Variants in RTN1 observed in about 807,000 individuals in gnomAD.
The protein encoded by RTN1 is reticulon 1, also known as reticulon-1.
RTN1 carries 25 observed loss-of-function variants against 65.5 expected under a neutral mutation model. The ratio of observed to expected loss-of-function variants is 0.38; its 90% CI spans 0.28 to 0.53. The LOEUF (loss-of-function observed/expected upper bound fraction) is 0.53, where lower values mean the gene tolerates loss of function less well. Ranked by LOEUF, RTN1 falls within the 20% of genes least tolerant of loss-of-function variation. The probability of loss-of-function intolerance (pLI) is 0.79; values close to 1 mark genes in which losing one functional copy is unlikely to be tolerated. For missense variants in RTN1, 983 were observed against 1,025.4 expected (o/e 0.96, Z 0.57); for synonymous variants, 471 against 447.6 (o/e 1.05, Z -0.66).
intron 1 of RTN1, among the ~76,000 whole-genome samples, chr14:59,772,537 TA>T (rs368848951): frequency 1.5e-3 from 205 of 140,596 alleles, no homozygotes; most frequent in Non-Finnish European, 1.4e-3. Flanking sequence ...TCCCCAATAT[TA>T]AAAAAAAAAA....
At chr14:59,866,467 A>G (rs1450599951) in intron 1 of RTN1, among the ~76,000 whole-genome samples, 1 of 152,144 alleles carries the variant, frequency 6.6e-6, no homozygotes, top group African/African-American at 2.4e-5. Context: ...TTGGAACAGT[A>G]AGTTCATGAA....
intron 3 of RTN1, among the ~76,000 whole-genome samples, chr14:59,629,590 T>G (rs1243075769): frequency 6.6e-6 from 1 of 152,240 alleles, no homozygotes. Flanking sequence ...AATTCATTCT[T>G]GCAAATTATC....
intron 3 of RTN1, among the ~76,000 whole-genome samples, chr14:59,705,746 A>C (rs558999446): frequency 6.6e-6 from 1 of 152,240 alleles, no homozygotes; most frequent in South Asian, 2.1e-4. Context: ...ACTTTATTAC[A>C]CCTATTTGTT....
intron 1 of RTN1, among the ~76,000 whole-genome samples, chr14:59,759,539 C>T (rs528517885): frequency 9.9e-4 from 150 of 152,118 alleles, no homozygotes; most frequent in South Asian, 1.2e-3. Context: ...AATTGAACCC[C>T]CAAATATCTC....
intron 3 of RTN1, among the ~76,000 whole-genome samples, chr14:59,656,451 T>G (rs539715464): frequency 1.5e-4 from 23 of 152,362 alleles, no homozygotes; most frequent in African/African-American, 5.5e-4. Context: ...ACACAAGGCT[T>G]GGTGAACAGA....
chr14:59,802,541 A>C (rs1297608808), intron 1 of RTN1, among the ~76,000 whole-genome samples: 1 of 152,248 alleles, frequency 6.6e-6, no homozygotes, highest in African/African-American at 2.4e-5. Flanking sequence ...TTTGGCCATT[A>C]ATACACATTA....
intron 1 of RTN1, among the ~76,000 whole-genome samples, chr14:59,762,879 T>G (rs543857530): frequency 6.6e-6 from 1 of 152,362 alleles, no homozygotes; most frequent in Admixed American, 6.5e-5. Flanking sequence ...GCTACTATTT[T>G]GCCTTTTAAC....
chr14:59,760,000 C>T lies in RTN1; in HGVS notation c.242-13519G>A, dbSNP rs540826160. Among the ~76,000 whole-genome samples, 4 of 152,238 alleles carry T rather than the reference C, an allele frequency of 2.6e-5. No homozygotes were observed. In the East Asian group the frequency reaches 7.7e-4, roughly 29 times the overall value. ...ATTTGCTCTTGGAACCAGCAACCTT[C>T]TTACAGGAATTAGCCCATAGACACA... On this transcript the variant is annotated intron_variant, in intron 1 of 8. Transcript: ENST00000267484.
At chr14:59,755,245 A>G (rs991501620) in intron 1 of RTN1, among the ~76,000 whole-genome samples, 4 of 152,222 alleles carry the variant, frequency 2.6e-5, no homozygotes, top group African/African-American at 9.6e-5. Flanking sequence ...TTAGACAAAC[A>G]TCTGGCTTAC....
intron 8 of RTN1, among the ~76,000 whole-genome samples, chr14:59,597,248 G>C (rs1881430129): frequency 6.6e-6 from 1 of 152,184 alleles, no homozygotes; most frequent in Non-Finnish European, 1.5e-5. Context: ...TTCACCCTCA[G>C]AGTAGTCTAA....
At chr14:59,629,635 T>G (rs1189666080) in intron 3 of RTN1, among the ~76,000 whole-genome samples, 1 of 152,198 alleles carries the variant, frequency 6.6e-6, no homozygotes, top group African/African-American at 2.4e-5. Context: ...AAGGTGAATT[T>G]TAATGTAACA....
intron 3 of RTN1, among the ~76,000 whole-genome samples, chr14:59,674,074 A>G (rs947435317): frequency 1.3e-5 from 2 of 152,166 alleles, no homozygotes; most frequent in Admixed American, 1.3e-4. Context: ...AACCTTTTAT[A>G]ACCACACCCA....
At chr14:59,624,690 G>C (rs1259763654) in intron 3 of RTN1, among the ~76,000 whole-genome samples, 1 of 152,106 alleles carries the variant, frequency 6.6e-6, no homozygotes, top group Non-Finnish European at 1.5e-5. Context: ...TCGAACTCCT[G>C]ACCTCAGGTG....
chr14:59,607,308 T>C lies in RTN1; in HGVS notation c.1950A>G (p.Lys650=). 1 of 1,614,082 alleles carries C rather than the reference T, an allele frequency of 6.2e-7. No homozygotes were observed. The highest frequency in any genetic ancestry group is 1.7e-5 in the Admixed American group (1 of 60,028). Reference sequence around the variant, plus strand: ...ACTTGAAAGGGTGGCCTTCGTCGGTTTTCTGCACTGCTTGTAAAACAGACT... The same window carrying C: ...ACTTGAAAGGGTGGCCTTCGTCGGTCTTCTGCACTGCTTGTAAAACAGACT... ...IYKSVLQAVQ[K]TDEGHPFKAY... Residue 650 remains lysine, a synonymous_variant, in exon 4 of 9, where the codon AAA becomes AAG. Coordinates refer to ENST00000267484, the MANE Select transcript of RTN1 (RefSeq NM_021136.3).
intron 3 of RTN1, among the ~76,000 whole-genome samples, chr14:59,658,643 G>C (rs897796371): frequency 5.3e-5 from 8 of 152,180 alleles, no homozygotes; most frequent in African/African-American, 1.9e-4. Context: ...CAGCAGAGGG[G>C]CCTGTTAGAA....
At chr14:59,663,112 G>A (rs139806647) in intron 3 of RTN1, among the ~76,000 whole-genome samples, 9 of 152,098 alleles carry the variant, frequency 5.9e-5, no homozygotes, top group East Asian at 1.9e-4. Context: ...AAATAACACC[G>A]CACATCTACA....
At chr14:59,798,495 G>C (rs1191516071) in intron 1 of RTN1, among the ~76,000 whole-genome samples, 1 of 152,174 alleles carries the variant, frequency 6.6e-6, no homozygotes, top group African/African-American at 2.4e-5. Context: ...GGCTCTAAGA[G>C]AAAAAGTAGC....
rs1886013328 is a variant in RTN1 at position 59,774,385 on chromosome 14, G to A, written c.242-27904C>T. Among the ~76,000 whole-genome samples the A allele has an allele frequency of 6.6e-6, 1 of 152,210 alleles. No homozygotes were observed. The highest frequency in any genetic ancestry group is 2.4e-5 in the African/African-American group (1 of 41,528). ...AGATTATTATAATTTGGCTCTGAAG[G>A]GTTGGTTTCTTTCAACTTCTGCAGT... On this transcript the variant is annotated intron_variant, in intron 1 of 8. Transcript: ENST00000267484. This position sits in a 1 kb window ranked among gnomAD's most constrained non-coding sequence, Gnocchi z 5.1.
chr14:59,633,835 A>G (rs1213631807), intron 3 of RTN1, among the ~76,000 whole-genome samples: 2 of 152,212 alleles, frequency 1.3e-5, no homozygotes, highest in African/African-American at 4.8e-5. Context: ...CCAGGTCAAG[A>G]TTAATATTGA....
Sources: gnomAD v4.1 joint callset for allele counts (sites outside exome capture counted in the v4.1 genomes callset) on GRCh38, gnomAD v4.1.1 for gene constraint, Gnocchi (gnomAD v3.1) non-coding constraint, MANE v1.5 for transcripts, NCBI Gene and HGNC (gene_info 2026-07-23, HGNC 2026-07-21) for gene names.